The following SLC45A3 variants were observed in gnomAD, a reference collection of about 807,000 sequenced individuals.
SLC45A3 encodes solute carrier family 45 member 3, also known as prostate cancer associated protein 2.
Under a neutral mutation model 35.3 loss-of-function variants are expected in SLC45A3, and 17 were observed. The ratio of observed to expected loss-of-function variants is 0.48; its 90% CI spans 0.33 to 0.72. The LOEUF is 0.72. SLC45A3 is among the 30% of genes least tolerant of loss of function. The pLI is 0.02. For missense variants in SLC45A3, 597 were observed against 731.7 expected (o/e 0.82, Z 2.12); for synonymous variants, 288 against 334.3 (o/e 0.86, Z 1.51).
Position 205,662,421 on chromosome 1 carries a change from G to C in SLC45A3, c.959-295C>G. 1 of 1,349,706 alleles carries C rather than the reference G, an allele frequency of 7.4e-7. No homozygotes were observed. The highest frequency in any genetic ancestry group is 9.5e-7 in the Non-Finnish European group (1 of 1,053,372). 83.6% of individuals were successfully genotyped at this position (1,349,706 alleles called of 1,614,324 possible). On this transcript the variant is annotated intron_variant, in intron 3 of 4. Coordinates refer to ENST00000367145, the MANE Select transcript of SLC45A3 (RefSeq NM_033102.3). The surrounding 1 kb of genome is among the most constrained non-coding windows in gnomAD (Gnocchi z 6.2). ...GGTGAGAGGGAACACAAAGACAGCTGGCCATAGGCTTCAAGACGCTTCTAG... is the reference window on the plus strand; with the variant it reads ...GGTGAGAGGGAACACAAAGACAGCTCGCCATAGGCTTCAAGACGCTTCTAG...
At chr1:205,667,919 G>A (rs546188454) in intron 1 of SLC45A3, among the ~76,000 whole-genome samples, 1 of 152,076 alleles carries the variant, frequency 6.6e-6, no homozygotes, top group Non-Finnish European at 1.5e-5. Context: ...CCCAGTTCCT[G>A]GGGTGCCTTT....
Position 205,659,526 on chromosome 1 carries a change from G to A in SLC45A3, c.1370C>T (p.Pro457Leu). 1.2e-6 allele frequency: 2 copies of A among 1,610,506 alleles called. No homozygotes were observed. Among genetic ancestry groups the A allele is most frequent in the South Asian group, 1.1e-5 (1 of 90,502 alleles). The change falls in exon 5 of 5, where the codon CCA becomes CTA. Residue 457 changes from proline (P) to leucine (L), a missense_variant. Pro to Leu is a moderately conservative substitution (Grantham distance 98). This residue lies in a region of SLC45A3 where 555 missense variants were observed against 664.9 expected (regional missense o/e 0.83). Transcript: ENST00000367145. This position sits in a 1 kb window ranked among gnomAD's most constrained non-coding sequence, Gnocchi z 5.8. ...GAGGSGLLPP[P>L]PALCGASACD... The stretch of plus-strand genomic sequence containing the variant: ...GGCAGAGGCCCCGCAGAGCGCGGGT[G>A]GAGGTGGGAGCAGGCCACTGCCTCC...
At chr1:205,680,092 C>T (rs1671380227) in intron 1 of SLC45A3, among the ~76,000 whole-genome samples, 1 of 150,866 alleles carries the variant, frequency 6.6e-6, no homozygotes, top group Admixed American at 6.6e-5. Context: ...CCGCCCACAC[C>T]GCCGCCCCGC....
At chr1:205,672,813 G>A (rs1442241074) in intron 1 of SLC45A3, among the ~76,000 whole-genome samples, 4 of 152,082 alleles carry the variant, frequency 2.6e-5, no homozygotes, top group East Asian at 1.9e-4. Context: ...GGATAATGCC[G>A]AAGGTTCTTT....
At chr1:205,679,664 A>G (rs1671368962) in intron 1 of SLC45A3, among the ~76,000 whole-genome samples, 1 of 147,756 alleles carries the variant, frequency 6.8e-6, no homozygotes, top group Admixed American at 6.9e-5. Context: ...GGGGAAACTG[A>G]GGCTGAAAAG....
Position 205,662,471 on chromosome 1 carries a change from T to G in SLC45A3, c.959-345A>C, listed in dbSNP as rs1571532245. 7.8e-7 allele frequency: 1 copy of G among 1,289,322 alleles called. No homozygotes were observed. The highest frequency in any genetic ancestry group is 2.4e-5 in the South Asian group (1 of 40,822). The allele number at this position is 1,289,322 out of a possible 1,614,324, so 79.9% of individuals were successfully genotyped here. On this transcript the variant is annotated intron_variant, in intron 3 of 4. Coordinates refer to ENST00000367145, the MANE Select transcript of SLC45A3 (RefSeq NM_033102.3). This position sits in a 1 kb window ranked among gnomAD's most constrained non-coding sequence, Gnocchi z 6.2. ...GGACGCCTGAGCTGGAAGGCGCTGG[T>G]GAGATTATTTGGAAAGTCGTTGGGG... is the stretch of plus-strand genomic sequence containing the variant.
At chr1:205,680,031 T>TCGGCCCGGCCCGGCCCGGCCCGGCC (rs11281161) in intron 1 of SLC45A3, among the ~76,000 whole-genome samples, 1 of 147,684 alleles carries the variant, frequency 6.8e-6, no homozygotes, top group Non-Finnish European at 1.5e-5. Context: ...CCGCCAGCCG[T>TCGGCCCGGCCCGGCCCGGCCCGGCC]CGGCCCGGCC....
intron 1 of SLC45A3, among the ~76,000 whole-genome samples, chr1:205,673,291 C>T (rs1253477673): frequency 6.6e-6 from 1 of 152,192 alleles, no homozygotes; most frequent in East Asian, 1.9e-4. Flanking sequence ...AATTCCTTGG[C>T]CCAAGGTAGG....
At position 205,664,847 on chromosome 1, in the gene SLC45A3, G is replaced by A; in HGVS notation, c.-191C>T. Reference sequence around the variant, plus strand: ...CAGCCCATGCTCAACACCTGCTGCTGTGGGGCACCTCAGTGGGGACACGTC... The same window carrying A: ...CAGCCCATGCTCAACACCTGCTGCTATGGGGCACCTCAGTGGGGACACGTC... On this transcript the variant is annotated 5_prime_UTR_variant, in exon 2 of 5. Transcript: ENST00000367145. This position sits in a 1 kb window ranked among gnomAD's most constrained non-coding sequence, Gnocchi z 5.3. The A allele has an allele frequency of 1.4e-6, 2 of 1,423,382 alleles. No individual in the cohort carries two copies. The highest frequency in any genetic ancestry group is 1.8e-6 in the Non-Finnish European group (2 of 1,092,792). 88.2% of individuals were successfully genotyped at this position (1,423,382 alleles called of 1,614,324 possible).
rs1670983681 is a variant in SLC45A3 at position 205,659,628 on chromosome 1, C to T, written c.1268G>A (p.Ser423Asn). 2 of 1,539,242 alleles carry T rather than the reference C, an allele frequency of 1.3e-6. No individual in the cohort carries two copies. Among genetic ancestry groups the T allele is most frequent in the South Asian group, 2.6e-5 (2 of 77,662 alleles). ...GAAGCTGGTCATCAGGCTGTCCTCA[C>T]TGCTAGCACCTCCAGTGTCCCCTCG... ...KYRGDTGGAS[S>N]EDSLMTSFLP... The change falls in exon 5 of 5, where the codon AGT becomes AAT. Residue 423 changes from serine to asparagine, a missense_variant. By Grantham distance (46) the Ser-to-Asn change is conservative. This residue lies in a region of SLC45A3 where 555 missense variants were observed against 664.9 expected (regional missense o/e 0.83). Coordinates refer to ENST00000367145, the MANE Select transcript of SLC45A3 (RefSeq NM_033102.3). This position sits in a 1 kb window ranked among gnomAD's most constrained non-coding sequence, Gnocchi z 5.8.
rs995862622 is a variant in SLC45A3, at chr1:205,663,302, G to C, written c.489C>G (p.Val163=). 6 of 1,613,364 alleles carry C rather than the reference G, an allele frequency of 3.7e-6. No homozygotes were observed. In the African/African-American group the frequency reaches 6.7e-5, roughly 18 times the overall value. ...CCCCAAGACTGATCATGAAGGCATA[G>C]ACAGAGTAGGCCTGGCGACAGTGGT... ...DPDHCRQAYS[V]YAFMISLGGC... The change falls in exon 3 of 5, where the codon GTC becomes GTG. Residue 163 remains valine (V), a synonymous_variant. Coordinates refer to ENST00000367145, the MANE Select transcript of SLC45A3 (RefSeq NM_033102.3).
intron 1 of SLC45A3, among the ~76,000 whole-genome samples, chr1:205,678,808 A>G (rs1320799316): frequency 6.6e-6 from 1 of 152,124 alleles, no homozygotes; most frequent in Non-Finnish European, 1.5e-5. Context: ...GTGGGAGGAG[A>G]TAAGGGAGGA....
rs576049766 is a variant in SLC45A3, at chr1:205,662,438, C to T, written c.959-312G>A. ...AGACAGCTGGCCATAGGCTTCAAGA[C>T]GCTTCTAGGACGCCTGAGCTGGAAG... On this transcript the variant is annotated intron_variant, in intron 3 of 4. Transcript: ENST00000367145. The surrounding 1 kb of genome is among the most constrained non-coding windows in gnomAD (Gnocchi z 6.2). 1,930 of 1,328,826 alleles carry T rather than the reference C, an allele frequency of 1.5e-3. 5 individuals carry two copies. Among genetic ancestry groups the T allele is most frequent in the Non-Finnish European group, 1.7e-3 (1,820 of 1,041,602 alleles). 82.3% of individuals were successfully genotyped at this position (1,328,826 alleles called of 1,614,324 possible).
chr1:205,665,894 A>G (rs1207684428), intron 1 of SLC45A3, among the ~76,000 whole-genome samples: 1 of 152,216 alleles, frequency 6.6e-6, no homozygotes, highest in Non-Finnish European at 1.5e-5. Context: ...AGAAGTGACT[A>G]TGAAAAGCTG....
rs1282229861 is a variant in SLC45A3 at position 205,659,455 on chromosome 1, T to C, written c.1441A>G (p.Arg481Gly). Residue 481 changes from arginine (R) to glycine (G), a missense_variant, in exon 5 of 5, where the codon AGG becomes GGG. Coordinates refer to ENST00000367145, the MANE Select transcript of SLC45A3 (RefSeq NM_033102.3). This position sits in a 1 kb window ranked among gnomAD's most constrained non-coding sequence, Gnocchi z 5.8. ...CAGATGCCCCGGCCCGGAACCACCC[T>C]GGCCTCGGTGGGCTCACCCACCACC... ...RVVVGEPTEA[R>G]VVPGRGICLD... 1 of 1,613,982 alleles carries C rather than the reference T, an allele frequency of 6.2e-7. No homozygotes were observed. The highest frequency in any genetic ancestry group is 1.7e-5 in the Admixed American group (1 of 60,008).
intron 1 of SLC45A3, among the ~76,000 whole-genome samples, chr1:205,672,333 C>T (rs1362832621): frequency 6.6e-6 from 1 of 152,150 alleles, no homozygotes; most frequent in Non-Finnish European, 1.5e-5. Context: ...GGAGAGGTCA[C>T]TGCAGCAGAC....
At chr1:205,680,061 G>GGT (rs1380604792) in intron 1 of SLC45A3, among the ~76,000 whole-genome samples, 1 of 122,494 alleles carries the variant, frequency 8.2e-6, no homozygotes, top group Admixed American at 8.5e-5. Context: ...CCGGCCCGGG[G>GGT]CTCCGGGGAG....
chr1:205,670,193 C>T (rs983689058), intron 1 of SLC45A3, among the ~76,000 whole-genome samples: 1 of 152,234 alleles, frequency 6.6e-6, no homozygotes, highest in African/African-American at 2.4e-5. Flanking sequence ...AATGAGCATT[C>T]TTGTGAGACA....
At chr1:205,663,715 C>A in intron 2 of SLC45A3, 97 bp from the exon 3 acceptor site, 1 of 1,223,052 alleles carries the variant, frequency 8.2e-7, no homozygotes, top group South Asian at 1.5e-5. Context: ...AATAACATTC[C>A]GTACTCGACA....
Sources: gnomAD v4.1 joint callset for allele counts (sites outside exome capture counted in the v4.1 genomes callset) on GRCh38, gnomAD v4.1.1 for gene constraint, gnomAD v4.1.1 regional missense constraint, Gnocchi (gnomAD v3.1) non-coding constraint, MANE v1.5 for transcripts, NCBI Gene and HGNC (gene_info 2026-07-23, HGNC 2026-07-21) for gene names.